The following RBFOX1 variants were observed in gnomAD, a reference collection of about 807,000 sequenced individuals.
RBFOX1 encodes RNA binding fox-1 homolog 1, also known as RNA binding protein fox-1 homolog 1.
Under a neutral mutation model 57.7 loss-of-function variants are expected in RBFOX1, and 8 were observed. That is an observed-to-expected ratio of 0.14 (90% CI 0.08 to 0.25). The LOEUF is 0.25. Among genes scored for constraint, RBFOX1 ranks in the 10% least tolerant of loss-of-function variants. The pLI is 1.00. For missense variants in RBFOX1, 611 were observed against 548.5 expected (o/e 1.11, Z -1.14); for synonymous variants, 326 against 222.4 (o/e 1.47, Z -4.15).
chr16:6,407,762 C>T (rs2093337568), intron 2 of RBFOX1, among the ~76,000 whole-genome samples: 1 of 152,084 alleles, frequency 6.6e-6, no homozygotes, highest in Non-Finnish European at 1.5e-5. Context: ...AATCTTATCC[C>T]AGCAGGGACC....
chr16:7,037,711 C>T (rs1290252115), intron 3 of RBFOX1, among the ~76,000 whole-genome samples: 1 of 152,128 alleles, frequency 6.6e-6, no homozygotes. Flanking sequence ...CATGGGTAGA[C>T]CCAGGCAAGG....
At chr16:7,581,442 A>AT (rs1244308514) in intron 6 of RBFOX1, among the ~76,000 whole-genome samples, 2 of 151,926 alleles carry the variant, frequency 1.3e-5, no homozygotes, top group Admixed American at 6.6e-5. Context: ...TATGCAGTCT[A>AT]TTTTTTTCTC....
chr16:5,758,682 A>C (rs2053483483), intron 3 of RBFOX1, among the ~76,000 whole-genome samples: 1 of 152,186 alleles, frequency 6.6e-6, no homozygotes, highest in Non-Finnish European at 1.5e-5. Context: ...CTAATAAAGA[A>C]ATGATGTGTT....
chr16:6,546,093 A>C (rs2096891106), intron 2 of RBFOX1, among the ~76,000 whole-genome samples: 1 of 152,236 alleles, frequency 6.6e-6, no homozygotes, highest in African/African-American at 2.4e-5. Flanking sequence ...TAATGTTTTA[A>C]GAAAGTTTAT....
At chr16:6,715,678 A>G (rs1349775037) in intron 3 of RBFOX1, among the ~76,000 whole-genome samples, 1 of 152,204 alleles carries the variant, frequency 6.6e-6, no homozygotes, top group Non-Finnish European at 1.5e-5. Context: ...TTTCTTGAAG[A>G]TGAAGCAGCC....
intron 5 of RBFOX1, among the ~76,000 whole-genome samples, chr16:7,534,498 C>T (rs1404547377): frequency 3.3e-5 from 5 of 152,048 alleles, no homozygotes; most frequent in African/African-American, 1.2e-4. Flanking sequence ...ATACGGTAAG[C>T]CCCAGGATAA....
chr16:5,489,172 T>C (rs193127547), intron 2 of RBFOX1, among the ~76,000 whole-genome samples: 42 of 152,352 alleles, frequency 2.8e-4, no homozygotes, highest in African/African-American at 9.9e-4. Flanking sequence ...TATTTCTGCA[T>C]GATAGGAATT....
At chr16:5,766,235 C>T (rs566591885) in intron 3 of RBFOX1, among the ~76,000 whole-genome samples, 4 of 152,160 alleles carry the variant, frequency 2.6e-5, no homozygotes, top group South Asian at 2.1e-4. Flanking sequence ...GGAGAAGGGG[C>T]GTCTCACATG....
chr16:7,258,050 G>T (rs974221862), intron 4 of RBFOX1, among the ~76,000 whole-genome samples: 4 of 152,220 alleles, frequency 2.6e-5, no homozygotes, highest in Non-Finnish European at 5.9e-5. Flanking sequence ...TTTAGGCATT[G>T]ATCACTGTGC....
At chr16:7,130,574 G>A (rs531755415) in intron 4 of RBFOX1, among the ~76,000 whole-genome samples, 3 of 152,198 alleles carry the variant, frequency 2.0e-5, no homozygotes, top group African/African-American at 2.4e-5. Flanking sequence ...CAGTGAGTCA[G>A]TGTGCAAATA....
At chr16:7,529,555 A>G (rs2152351589) in intron 5 of RBFOX1, among the ~76,000 whole-genome samples, 1 of 152,280 alleles carries the variant, frequency 6.6e-6, no homozygotes, top group Non-Finnish European at 1.5e-5. Flanking sequence ...TCATTGACAT[A>G]TTTCCACTGC....
intron 4 of RBFOX1, among the ~76,000 whole-genome samples, chr16:7,138,228 C>T (rs929672057): frequency 2.0e-5 from 3 of 152,008 alleles, no homozygotes; most frequent in African/African-American, 7.3e-5. Context: ...TACCTGAAGT[C>T]ATGAGAGATG....
chr16:7,537,398 C>T (rs570372986), intron 5 of RBFOX1, among the ~76,000 whole-genome samples: 4 of 152,334 alleles, frequency 2.6e-5, no homozygotes, highest in African/African-American at 9.6e-5. Context: ...TGATGATGCT[C>T]TCTTTACAGT....
chr16:5,881,151 C>G (rs868595775), intron 4 of RBFOX1, among the ~76,000 whole-genome samples: 1 of 152,158 alleles, frequency 6.6e-6, no homozygotes, highest in Non-Finnish European at 1.5e-5. Flanking sequence ...TCTAGGAACC[C>G]CTGTAGAATC....
At chr16:7,702,952 C>T (rs991955879) in intron 14 of RBFOX1, among the ~76,000 whole-genome samples, 2 of 152,204 alleles carry the variant, frequency 1.3e-5, no homozygotes, top group African/African-American at 4.8e-5. Context: ...AGGTTACCTT[C>T]TGATGTCCCC....
chr16:5,653,544 G>T (rs1249561314), intron 3 of RBFOX1, among the ~76,000 whole-genome samples: 1 of 152,152 alleles, frequency 6.6e-6, no homozygotes, highest in African/African-American at 2.4e-5. Flanking sequence ...TGTGCAGAAG[G>T]TGGGGTGCTG....
intron 3 of RBFOX1, among the ~76,000 whole-genome samples, chr16:6,696,395 C>T (rs1021938886): frequency 6.6e-6 from 1 of 152,084 alleles, no homozygotes; most frequent in African/African-American, 2.4e-5. Context: ...ATATTGAAAC[C>T]TCAATTCATT....
intron 3 of RBFOX1, among the ~76,000 whole-genome samples, chr16:5,853,235 C>T (rs2056941043): frequency 6.6e-6 from 1 of 152,064 alleles, no homozygotes; most frequent in African/African-American, 2.4e-5. Context: ...CATTTGATAT[C>T]CTGGAGTTGA....
intron 4 of RBFOX1, among the ~76,000 whole-genome samples, chr16:7,149,482 CCT>C (rs1491524100): frequency 3.9e-5 from 4 of 103,472 alleles, no homozygotes; most frequent in Admixed American, 3.0e-4. Flanking sequence ...TTCTTTCTTT[CCT>C]TTTTTTTTTT....
Sources: gnomAD v4.1 joint callset for allele counts (sites outside exome capture counted in the v4.1 genomes callset) on GRCh38, gnomAD v4.1.1 for gene constraint, MANE v1.5 for transcripts, NCBI Gene and HGNC (gene_info 2026-07-23, HGNC 2026-07-21) for gene names.